Variants in PTPRD observed in about 807,000 individuals in gnomAD.
PTPRD encodes receptor-type tyrosine-protein phosphatase delta.
Under a neutral mutation model 214.5 loss-of-function variants are expected in PTPRD, and 34 were observed. The observed-to-expected ratio is 0.16, with a 90% confidence interval of 0.12 to 0.21. PTPRD has a LOEUF of 0.21. Among genes scored for constraint, PTPRD ranks in the 10% least tolerant of loss-of-function variants. The pLI, the probability that PTPRD is intolerant of heterozygous loss-of-function variation, is 1.00. For missense variants in PTPRD, 2,545 were observed against 2,398.7 expected (o/e 1.06, Z -1.27); for synonymous variants, 1,128 against 845.7 (o/e 1.33, Z -5.79).
At chr9:9,542,822 T>A (rs1194787852) in intron 8 of PTPRD, among the ~76,000 whole-genome samples, 1 of 151,662 alleles carries the variant, frequency 6.6e-6, no homozygotes, top group Non-Finnish European at 1.5e-5. Flanking sequence ...TTAACAACCA[T>A]GAGGAGCAAC....
chr9:9,384,728 T>G (rs937637994), intron 9 of PTPRD, among the ~76,000 whole-genome samples: 1 of 152,060 alleles, frequency 6.6e-6, no homozygotes, highest in South Asian at 2.1e-4. Context: ...TAAATATTAT[T>G]ATACAGACTT....
chr9:9,451,951 CTT>C (rs1051043727), intron 8 of PTPRD, among the ~76,000 whole-genome samples: 9 of 151,284 alleles, frequency 5.9e-5, no homozygotes, highest in African/African-American at 1.9e-4. Flanking sequence ...AGTTATGTCT[CTT>C]TGAATTTCTA....
Position 9,308,476 on chromosome 9 carries a change from G to C in PTPRD, c.-203+88973C>G, listed in dbSNP as rs546634431. On this transcript the variant is annotated intron_variant, in intron 9 of 45. Transcript: ENST00000381196. ...GTTACTTATTGAAGCATCATTTCTT[G>C]AGAATAAATCATTGGAAAGAGAAGC... 3.3e-5 allele frequency among the ~76,000 whole-genome samples: 5 copies of C among 152,224 alleles called. No individual in the cohort carries two copies. The South Asian group carries it at 1.0e-3, about 32-fold the overall frequency.
intron 33 of PTPRD, among the ~76,000 whole-genome samples, chr9:8,454,954 G>A (rs911591689): frequency 1.3e-5 from 2 of 151,984 alleles, no homozygotes; most frequent in African/African-American, 2.4e-5. Flanking sequence ...TAAAAAACAT[G>A]CTATGAGAAA....
At chr9:9,758,163 A>AAAAAAAATT in intron 6 of PTPRD, among the ~76,000 whole-genome samples, 1 of 146,020 alleles carries the variant, frequency 6.8e-6, no homozygotes, top group Non-Finnish European at 1.5e-5. Flanking sequence ...AAAAAAAAAA[A>AAAAAAAATT]TTGTATTCTC....
intron 7 of PTPRD, among the ~76,000 whole-genome samples, chr9:9,716,067 T>A (rs951551214): frequency 6.7e-6 from 1 of 150,080 alleles, no homozygotes; most frequent in Non-Finnish European, 1.5e-5. Flanking sequence ...TGTGATCTCA[T>A]TGTTCAGTTC....
chr9:10,429,840 G>A (rs2154520155), intron 2 of PTPRD, among the ~76,000 whole-genome samples: 1 of 152,000 alleles, frequency 6.6e-6, no homozygotes, highest in African/African-American at 2.4e-5. Context: ...TTTCACAACT[G>A]TAGGAAGTAA....
At chr9:10,065,054 T>C (rs547928295) in intron 3 of PTPRD, among the ~76,000 whole-genome samples, 19 of 151,880 alleles carry the variant, frequency 1.3e-4, no homozygotes, top group African/African-American at 3.6e-4. Context: ...AAAGCATACA[T>C]AGTAATTTGC....
chr9:9,428,349 C>G (rs2081811801), intron 8 of PTPRD, among the ~76,000 whole-genome samples: 1 of 152,140 alleles, frequency 6.6e-6, no homozygotes, highest in African/African-American at 2.4e-5. Flanking sequence ...ATCAATTCAA[C>G]AAGAAGAGCT....
At chr9:9,293,884 C>T (rs987186286) in intron 9 of PTPRD, among the ~76,000 whole-genome samples, 1 of 151,350 alleles carries the variant, frequency 6.6e-6, no homozygotes, top group Admixed American at 6.6e-5. Context: ...GATAAAAGAT[C>T]TTAGCAACCT....
chr9:9,155,245 T>A (rs1385270709), intron 10 of PTPRD, among the ~76,000 whole-genome samples: 1 of 152,196 alleles, frequency 6.6e-6, no homozygotes, highest in African/African-American at 2.4e-5. Context: ...TAACTAGATT[T>A]TTTAAATTAA....
intron 5 of PTPRD, among the ~76,000 whole-genome samples, chr9:9,878,613 C>T (rs146371474): frequency 1.3e-4 from 20 of 152,226 alleles, no homozygotes; most frequent in Middle Eastern, 6.8e-3. Flanking sequence ...CTAAGTCCTG[C>T]GTACATTGCT....
At chr9:9,992,639 T>C (rs2095982641) in intron 4 of PTPRD, among the ~76,000 whole-genome samples, 2 of 152,324 alleles carry the variant, frequency 1.3e-5, no homozygotes, top group African/African-American at 4.8e-5. Flanking sequence ...GATGAGTTCA[T>C]GTCCTTTGTA....
Position 9,711,090 on chromosome 9 carries a change from G to C in PTPRD, c.-287+23443C>G, listed in dbSNP as rs532638652. Among the ~76,000 whole-genome samples the C allele has an allele frequency of 2.0e-5, 3 of 152,236 alleles. No individual in the cohort carries two copies. The South Asian group carries it at 6.2e-4, about 32-fold the overall frequency. On this transcript the variant is annotated intron_variant, in intron 7 of 45. Transcript: ENST00000381196. ...GTGCCGAGCTACCTGGATAGGATCA[G>C]GCCATGCGAGACCCTAAACTGTAAT... is the stretch of plus-strand genomic sequence containing the variant.
chr9:9,355,432 A>T (rs1465728340), intron 9 of PTPRD, among the ~76,000 whole-genome samples: 1 of 151,658 alleles, frequency 6.6e-6, no homozygotes, highest in Non-Finnish European at 1.5e-5. Flanking sequence ...ATAGATCTTC[A>T]TAGCATTTTT....
intron 35 of PTPRD, among the ~76,000 whole-genome samples, chr9:8,413,047 A>C (rs956803538): frequency 6.6e-6 from 1 of 152,198 alleles, no homozygotes; most frequent in Admixed American, 6.6e-5. Context: ...GTTAAGATAA[A>C]TCATCTTCAT....
intron 9 of PTPRD, among the ~76,000 whole-genome samples, chr9:9,215,549 G>C (rs902399229): frequency 6.6e-6 from 1 of 152,138 alleles, no homozygotes; most frequent in African/African-American, 2.4e-5. Context: ...AAAGACTGAG[G>C]CCTCTGTTTT....
intron 9 of PTPRD, among the ~76,000 whole-genome samples, chr9:9,263,369 A>G (rs2099980964): frequency 6.6e-6 from 1 of 151,652 alleles, no homozygotes; most frequent in South Asian, 2.1e-4. Context: ...TCATCAAAGC[A>G]CCTTCTCAGT....
At chr9:10,096,022 CCA>C (rs1195860042) in intron 3 of PTPRD, among the ~76,000 whole-genome samples, 1 of 151,562 alleles carries the variant, frequency 6.6e-6, no homozygotes, top group Non-Finnish European at 1.5e-5. Context: ...TGCCCTATAT[CCA>C]CATCTGAGGA....
Sources: allele counts gnomAD v4.1 joint callset (sites outside exome capture counted in the v4.1 genomes callset), GRCh38; gene constraint gnomAD v4.1.1; transcripts MANE v1.5; gene names NCBI Gene and HGNC (gene_info 2026-07-23, HGNC 2026-07-21).